Variants in ZNF329 observed in about 807,000 individuals in gnomAD.
The protein encoded by ZNF329 is zinc finger protein 329.
A neutral mutation model predicts 26.6 loss-of-function variants in ZNF329; 15 were observed. That is an observed-to-expected ratio of 0.56 (90% CI 0.38 to 0.87). The LOEUF (loss-of-function observed/expected upper bound fraction) is 0.87. Ranked by LOEUF, ZNF329 falls within the 40% of genes least tolerant of loss-of-function variation. ZNF329 has a pLI of 0.00. For synonymous variants in ZNF329, 239 were observed against 233.5 expected (o/e 1.02, Z -0.21); for missense variants, 651 against 651.9 (o/e 1.00, Z 0.02).
intron 3 of ZNF329, among the ~76,000 whole-genome samples, chr19:58,138,961 AAAAAAAAGAAAAAAG>A (rs1390612647): frequency 5.9e-5 from 9 of 151,946 alleles, no homozygotes; most frequent in Non-Finnish European, 1.0e-4. Context: ...CTCAAAATTT[AAAAAAAAGAAAAAAG>A]AAAAAAAGAA....
chr19:58,149,170 A>T (rs115350305), intron 1 of ZNF329, among the ~76,000 whole-genome samples: 5,666 of 152,290 alleles, frequency 0.037, 369 homozygotes, highest in African/African-American at 0.13. Flanking sequence ...AATGTCATGG[A>T]AACATCAGGA....
At position 58,128,270 on chromosome 19, in the gene ZNF329, C is replaced by T. The variant is rs1568655173; in HGVS notation, c.1234G>A (p.Ala412Thr). The T allele has an allele frequency of 6.2e-7, 1 of 1,608,408 alleles. No homozygotes were observed. Among genetic ancestry groups the T allele is most frequent in the Non-Finnish European group, 8.5e-7 (1 of 1,176,978 alleles). ...ATCCTCTGATGCCTGATGAGGTACG[C>T]ACTCTCGATGAAAGTCTTGCCACAT... ...KECGKTFIES[A>T]YLIRHQRIHT... The change falls in exon 4 of 4, where the codon GCG (alanine) becomes ACG (threonine). Residue 412 changes from alanine (A) to threonine (T), a missense_variant. Coordinates refer to ENST00000598312, the MANE Select transcript of ZNF329 (RefSeq NM_024620.4).
intron 3 of ZNF329, among the ~76,000 whole-genome samples, chr19:58,139,711 C>T (rs1032411824): frequency 3.3e-5 from 5 of 152,142 alleles, no homozygotes; most frequent in African/African-American, 1.2e-4. Context: ...ACATTCACCC[C>T]ATAGGAGTTC....
Position 58,127,707 on chromosome 19 carries a change from G to T in ZNF329, c.*171C>A. ...GCCCTCATCCTAAGTTGTCTCTGGA[G>T]TTCCCCAATGAGCAGACTTAACAGT... is the stretch of plus-strand genomic sequence containing the variant. On this transcript the variant is annotated 3_prime_UTR_variant, in exon 4 of 4. Coordinates refer to ENST00000598312, the MANE Select transcript of ZNF329 (RefSeq NM_024620.4). The T allele has an allele frequency of 1.6e-6, 1 of 621,702 alleles. No homozygotes were observed. The highest frequency in any genetic ancestry group is 2.7e-6 in the Non-Finnish European group (1 of 375,806). The allele number at this position is 621,702 out of a possible 1,614,324, so 38.5% of individuals were successfully genotyped here.
intron 3 of ZNF329, among the ~76,000 whole-genome samples, chr19:58,142,171 A>AT (rs1160954718): frequency 6.6e-6 from 1 of 152,232 alleles, no homozygotes; most frequent in Admixed American, 6.5e-5. Flanking sequence ...TGAAATGTCC[A>AT]TAACAGGCAA....
upstream of ZNF329, among the ~76,000 whole-genome samples, chr19:58,154,274 G>A (rs117761389): frequency 0.031 from 4,698 of 152,294 alleles, 212 homozygotes; most frequent in East Asian, 0.13. Flanking sequence ...CACCCAAAGT[G>A]CCGGGATTAC....
intron 3 of ZNF329, among the ~76,000 whole-genome samples, chr19:58,137,716 C>T (rs780923935): frequency 2.0e-5 from 3 of 150,000 alleles, no homozygotes; most frequent in Non-Finnish European, 3.0e-5. Context: ...GTAATCCCAA[C>T]ACTTTGGGAG....
At chr19:58,145,812 G>A (rs555912926) in intron 1 of ZNF329, among the ~76,000 whole-genome samples, 121 of 152,000 alleles carry the variant, frequency 8.0e-4, no homozygotes, top group African/African-American at 2.5e-3. Flanking sequence ...TTAACCACAT[G>A]ACAAAAACCT....
rs750503861 is a variant in ZNF329 at position 58,129,173 on chromosome 19, G to T, written c.331C>A (p.Pro111Thr). The change falls in exon 4 of 4, where the codon CCT becomes ACT. Residue 111 changes from proline (P) to threonine (T), a missense_variant. Transcript: ENST00000598312. The stretch of plus-strand genomic sequence containing the variant: ...GTTCTCTTATCTGCATAACTTTTAG[G>T]ATAGCTGGGTAAGGCGGGGTCACAA... The part of the protein sequence containing the change: ...LDCDPALPSY[P>T]KSYADKRTGD... The T allele has an allele frequency of 6.2e-7, 1 of 1,614,098 alleles. No individual in the cohort carries two copies. Among genetic ancestry groups the T allele is most frequent in the Non-Finnish European group, 8.5e-7 (1 of 1,180,032 alleles).
In ZNF329 at chr19:58,129,454, C is replaced by T; in HGVS notation, c.50G>A (p.Cys17Tyr). 6.2e-7 allele frequency: 1 copy of T among 1,610,342 alleles called. No individual in the cohort carries two copies. Among genetic ancestry groups the T allele is most frequent in the African/African-American group, 1.3e-5 (1 of 74,844 alleles). The part of the protein sequence containing the change: ...TRNFPEREVP[C>Y]DVEVERFTRE... ...TGTGAATCTTTCCACTTCTACATCA[C>T]AGGGTACTTCTCTCTCAGGAAAATT... The change falls in exon 4 of 4, where the codon TGT becomes TAT. Residue 17 changes from cysteine to tyrosine, a missense_variant. Coordinates refer to ENST00000598312, the MANE Select transcript of ZNF329 (RefSeq NM_024620.4).
chr19:58,146,706 A>G (rs1405765488), intron 1 of ZNF329, among the ~76,000 whole-genome samples: 2 of 151,780 alleles, frequency 1.3e-5, no homozygotes, highest in Non-Finnish European at 2.9e-5. Flanking sequence ...ACGCGCCGCC[A>G]CGCCTGACTG....
chr19:58,133,798 T>C (rs1053589647), intron 3 of ZNF329, among the ~76,000 whole-genome samples: 2 of 151,406 alleles, frequency 1.3e-5, no homozygotes, highest in Non-Finnish European at 2.9e-5. Flanking sequence ...CAGGCATTTA[T>C]GACTAGTCTG....
At chr19:58,137,270 G>C (rs992703792) in intron 3 of ZNF329, among the ~76,000 whole-genome samples, 3 of 152,006 alleles carry the variant, frequency 2.0e-5, no homozygotes, top group Admixed American at 2.0e-4. Flanking sequence ...AATCACAGCA[G>C]AGGCTGGGCA....
intron 3 of ZNF329, among the ~76,000 whole-genome samples, chr19:58,136,015 G>A (rs1301652211): frequency 5.3e-5 from 8 of 152,092 alleles, no homozygotes; most frequent in Middle Eastern, 3.4e-3. Flanking sequence ...GGTGGATCAC[G>A]AGGTCAGGAG....
At chr19:58,151,945 G>T (rs1470944802), upstream of ZNF329, among the ~76,000 whole-genome samples, 1 of 151,984 alleles carries the variant, frequency 6.6e-6, no homozygotes, top group Non-Finnish European at 1.5e-5. Flanking sequence ...ATGATACATG[G>T]GTGTCATCTT....
In ZNF329 at chr19:58,130,350, A is replaced by G. The variant is rs1301135132; in HGVS notation, c.-8-839T>C. ...AAAACAAAACAAAACAAAAACTGTC[A>G]AAGACTGCCCTGCATGGTTGTTATA... On this transcript the variant is annotated intron_variant, in intron 3 of 3. Transcript: ENST00000598312. 2.0e-5 allele frequency among the ~76,000 whole-genome samples: 3 copies of G among 151,920 alleles called. 1 individual carries two copies. Among genetic ancestry groups the G allele is most frequent in the Admixed American group, 1.3e-4 (2 of 15,268 alleles).
Position 58,129,617 on chromosome 19 carries a change from T to C in ZNF329, c.-8-106A>G, listed in dbSNP as rs1350073483. On this transcript the variant is annotated intron_variant, in intron 3 of 3. Coordinates refer to ENST00000598312, the MANE Select transcript of ZNF329 (RefSeq NM_024620.4). The stretch of plus-strand genomic sequence containing the variant: ...GTAAAGATGTGTATTTTTTTACTTG[T>C]TTTCTCTTTTAAATTCAAATTTATA... 3 of 1,043,516 alleles carry C rather than the reference T, an allele frequency of 2.9e-6. No homozygotes were observed. The African/African-American group carries it at 4.8e-5, about 17-fold the overall frequency. The allele number at this position is 1,043,516 out of a possible 1,614,324, so 64.6% of individuals were successfully genotyped here.
At chr19:58,151,945 G>A (rs1470944802), upstream of ZNF329, among the ~76,000 whole-genome samples, 1 of 151,984 alleles carries the variant, frequency 6.6e-6, no homozygotes, top group Admixed American at 6.6e-5. Context: ...ATGATACATG[G>A]GTGTCATCTT....
At chr19:58,137,390 C>A (rs1012196448) in intron 3 of ZNF329, among the ~76,000 whole-genome samples, 2 of 151,894 alleles carry the variant, frequency 1.3e-5, no homozygotes, top group African/African-American at 4.8e-5. Context: ...CTCGTCTCTA[C>A]TAAAAGTATA....
Sources: gnomAD v4.1 joint callset for allele counts (sites outside exome capture counted in the v4.1 genomes callset) on GRCh38, gnomAD v4.1.1 for gene constraint, MANE v1.5 for transcripts, NCBI Gene and HGNC (gene_info 2026-07-23, HGNC 2026-07-21) for gene names.